Variants in XKR6 observed in about 807,000 individuals in gnomAD.
The protein encoded by XKR6 is XK related 6, also known as XK-related protein 6.
Under a neutral mutation model 56.7 loss-of-function variants are expected in XKR6, and 22 were observed. That is an observed-to-expected ratio of 0.39 (90% CI 0.28 to 0.55). The LOEUF (loss-of-function observed/expected upper bound fraction) is 0.55. Ranked by LOEUF, XKR6 falls within the 20% of genes least tolerant of loss-of-function variation. The pLI is 0.66. For synonymous variants in XKR6, 524 were observed against 387.8 expected, an observed-to-expected ratio of 1.35 and a Z score of -4.13; for missense variants, 852 against 889.0, an observed-to-expected ratio of 0.96 and a Z score of 0.53.
At chr8:11,083,680 G>C (rs1420529501) in intron 1 of XKR6, among the ~76,000 whole-genome samples, 2 of 152,110 alleles carry the variant, frequency 1.3e-5, no homozygotes, top group African/African-American at 4.8e-5. Flanking sequence ...ATACGTAAAA[G>C]TCAAAAAATC....
At chr8:10,952,271 A>C (rs925425852) in intron 1 of XKR6, among the ~76,000 whole-genome samples, 11 of 152,062 alleles carry the variant, frequency 7.2e-5, no homozygotes, top group African/African-American at 2.7e-4. Context: ...GTGACCTGGG[A>C]GGCAGCCAGT....
intron 1 of XKR6, among the ~76,000 whole-genome samples, chr8:11,093,185 A>T (rs1798137741): frequency 6.6e-6 from 1 of 151,966 alleles, no homozygotes; most frequent in Admixed American, 6.5e-5. Context: ...CCTCCCAATT[A>T]GCTGGGAACA....
chr8:11,058,929 G>A (rs1426215608), intron 1 of XKR6, among the ~76,000 whole-genome samples: 1 of 152,246 alleles, frequency 6.6e-6, no homozygotes, highest in Non-Finnish European at 1.5e-5. Context: ...AAACACAAAT[G>A]CACATTGTTC....
chr8:11,188,027 GT>G (rs948923837), intron 1 of XKR6, among the ~76,000 whole-genome samples: 6 of 150,950 alleles, frequency 4.0e-5, no homozygotes, highest in South Asian at 2.1e-4. Flanking sequence ...CCTTAATCCT[GT>G]TTTTTTTTCT....
At chr8:11,052,502 G>C (rs1194553803) in intron 1 of XKR6, among the ~76,000 whole-genome samples, 1 of 152,160 alleles carries the variant, frequency 6.6e-6, no homozygotes, top group Non-Finnish European at 1.5e-5. Flanking sequence ...CAGATGGCGC[G>C]AGGTAAGGCT....
At chr8:10,945,879 C>T (rs1801522129) in intron 1 of XKR6, among the ~76,000 whole-genome samples, 1 of 152,122 alleles carries the variant, frequency 6.6e-6, no homozygotes, top group Admixed American at 6.5e-5. Context: ...AGCTCTGCTC[C>T]TCCCTTCCCT....
intron 1 of XKR6, chr8:11,125,902 C>G (rs1017217262): frequency 6.6e-6 from 1 of 152,166 alleles, no homozygotes; most frequent in African/African-American, 2.4e-5. Flanking sequence ...ATACTTCTAC[C>G]CATGCAGCCT....
At chr8:11,114,290 C>A (rs1207593885) in intron 1 of XKR6, among the ~76,000 whole-genome samples, 1 of 152,156 alleles carries the variant, frequency 6.6e-6, no homozygotes, top group Non-Finnish European at 1.5e-5. Flanking sequence ...ATCGTAACAA[C>A]TGAAATCCAA....
intron 1 of XKR6, chr8:11,136,822 G>T (rs1465926875): frequency 6.6e-6 from 1 of 152,158 alleles, no homozygotes; most frequent in Non-Finnish European, 1.5e-5. Flanking sequence ...TGATATTTCT[G>T]TTATAAAAGC....
At chr8:10,935,575 A>T (rs1385682094) in intron 1 of XKR6, among the ~76,000 whole-genome samples, 1 of 149,862 alleles carries the variant, frequency 6.7e-6, no homozygotes, top group South Asian at 2.1e-4. Flanking sequence ...CTTTGAATGC[A>T]TCCCAGAGAT....
chr8:11,114,014 C>G (rs1401396849), intron 1 of XKR6: 3 of 401,530 alleles, frequency 7.5e-6, no homozygotes, highest in South Asian at 3.7e-5. Flanking sequence ...ACGAGGCGAT[C>G]GCTCACCTTC....
chr8:11,000,389 A>G (rs1230837801), intron 1 of XKR6, among the ~76,000 whole-genome samples: 2 of 152,216 alleles, frequency 1.3e-5, no homozygotes, highest in Non-Finnish European at 2.9e-5. Flanking sequence ...ATTCCACTTC[A>G]GTAGACACAT....
intron 1 of XKR6, chr8:11,105,161 C>T (rs1200718505): frequency 6.6e-6 from 1 of 152,044 alleles, no homozygotes; most frequent in Non-Finnish European, 1.5e-5. Context: ...ACTGAATATG[C>T]TAATATTTAT....
chr8:11,167,423 C>G (rs561485463), intron 1 of XKR6, among the ~76,000 whole-genome samples: 6 of 152,308 alleles, frequency 3.9e-5, no homozygotes, highest in African/African-American at 1.4e-4. Flanking sequence ...GTCAGGGATA[C>G]TTGACAAGGT....
At chr8:10,906,536 G>A (rs574619311) in intron 2 of XKR6, among the ~76,000 whole-genome samples, 2 of 152,222 alleles carry the variant, frequency 1.3e-5, no homozygotes. Context: ...GAAATAATAT[G>A]CTGGTGAAAA....
chr8:11,160,949 C>T (rs1398818937), intron 1 of XKR6, among the ~76,000 whole-genome samples: 1 of 145,092 alleles, frequency 6.9e-6, no homozygotes, highest in Non-Finnish European at 1.5e-5. Flanking sequence ...AAAGGGTTCA[C>T]ACATTCAGAA....
chr8:11,120,250 C>G (rs1799381778), intron 1 of XKR6, among the ~76,000 whole-genome samples: 1 of 152,184 alleles, frequency 6.6e-6, no homozygotes, highest in Non-Finnish European at 1.5e-5. Context: ...CAAATTGTCC[C>G]TGTTTGCAGA....
chr8:11,011,666 G>T (rs58810357), intron 1 of XKR6, among the ~76,000 whole-genome samples: 11,560 of 152,186 alleles, frequency 0.076, 1,475 homozygotes, highest in African/African-American at 0.26. Context: ...GAAGGATAGA[G>T]CAGGGAAAGG....
chr8:11,021,013 CAGGCTCACCTTT>C (rs1161006593), intron 1 of XKR6, among the ~76,000 whole-genome samples: 4 of 152,184 alleles, frequency 2.6e-5, no homozygotes, highest in African/African-American at 9.7e-5. Context: ...AATGGGGGTT[CAGGCTCACCTTT>C]TACAAAGGGA....
Sources: allele counts gnomAD v4.1 joint callset (sites outside exome capture counted in the v4.1 genomes callset), GRCh38; gene constraint gnomAD v4.1.1; transcripts MANE v1.5; gene names NCBI Gene and HGNC (gene_info 2026-07-23, HGNC 2026-07-21).